Variants in INTS7 observed in about 807,000 individuals in gnomAD.
INTS7 encodes the protein chromosome 1 open reading frame 73.
A neutral mutation model predicts 109.2 loss-of-function variants in INTS7; 46 were observed. That is an observed-to-expected ratio of 0.42 (90% CI 0.33 to 0.54). The LOEUF (loss-of-function observed/expected upper bound fraction) is 0.54, where lower values mean the gene tolerates loss of function less well. Ranked by LOEUF, INTS7 falls within the 20% of genes least tolerant of loss-of-function variation. The probability of loss-of-function intolerance (pLI) is 0.07; values close to 1 mark genes in which losing one functional copy is unlikely to be tolerated. For missense variants in INTS7, 929 were observed against 1,132.4 expected (o/e 0.82, Z 2.58); for synonymous variants, 412 against 402.9 (o/e 1.02, Z -0.27).
chr1:211,944,130 CT>C, intron 19 of INTS7, among the ~76,000 whole-genome samples: 1 of 150,768 alleles, frequency 6.6e-6, no homozygotes, highest in Admixed American at 6.6e-5. Flanking sequence ...ATGCTATATA[CT>C]TTTTTTAATG....
At chr1:211,964,408 T>C (rs1187656881) in intron 16 of INTS7, among the ~76,000 whole-genome samples, 9 of 152,198 alleles carry the variant, frequency 5.9e-5, no homozygotes, top group Admixed American at 5.9e-4. Context: ...AAGCAACGTA[T>C]AGATTCAATG....
At position 212,016,016 on chromosome 1, in the gene INTS7, T is replaced by A. The variant is rs1465234556; in HGVS notation, c.509+870A>T. Among the ~76,000 whole-genome samples the A allele has an allele frequency of 2.0e-5, 3 of 152,176 alleles. No homozygotes were observed. The East Asian group carries it at 5.8e-4, about 29-fold the overall frequency. On this transcript the variant is annotated intron_variant, in intron 4 of 19. Coordinates refer to ENST00000366994, the MANE Select transcript of INTS7 (RefSeq NM_015434.4). ...ACCTGTTATATTACATAACCTATTATGTAACCTGCTTCCAAATATGTTTCT... is the reference window on the plus strand; with the variant it reads ...ACCTGTTATATTACATAACCTATTAAGTAACCTGCTTCCAAATATGTTTCT...
intron 7 of INTS7, among the ~76,000 whole-genome samples, chr1:211,996,304 C>T (rs377106874): frequency 7.2e-5 from 11 of 152,180 alleles, no homozygotes; most frequent in African/African-American, 2.4e-4. Flanking sequence ...CAGCTGTAAT[C>T]CCAGCTACTC....
At chr1:211,962,847 C>T (rs370204922) in intron 16 of INTS7, among the ~76,000 whole-genome samples, 8 of 152,118 alleles carry the variant, frequency 5.3e-5, no homozygotes, top group East Asian at 1.9e-4. Context: ...AAAGAAACAA[C>T]ATACCAGAAT....
intron 8 of INTS7, among the ~76,000 whole-genome samples, chr1:211,984,224 A>G (rs930024603): frequency 5.3e-5 from 8 of 152,132 alleles, no homozygotes; most frequent in Admixed American, 3.9e-4. Flanking sequence ...AACTGTGGAA[A>G]TTGTATTTCC....
chr1:211,948,416 C>T (rs1348094647), intron 17 of INTS7, among the ~76,000 whole-genome samples: 1 of 152,206 alleles, frequency 6.6e-6, no homozygotes, highest in Non-Finnish European at 1.5e-5. Flanking sequence ...TTTGGTGGAC[C>T]TCTGATGCCA....
At chr1:211,985,368 GA>G (rs1284973391) in intron 8 of INTS7, among the ~76,000 whole-genome samples, 5 of 151,926 alleles carry the variant, frequency 3.3e-5, no homozygotes, top group Non-Finnish European at 7.4e-5. Flanking sequence ...TGGCTACATT[GA>G]AAAAACATAA....
At chr1:212,022,890 C>T (rs1381124221) in intron 1 of INTS7, among the ~76,000 whole-genome samples, 6 of 152,014 alleles carry the variant, frequency 3.9e-5, no homozygotes, top group Admixed American at 2.0e-4. Context: ...TCAACTCTTC[C>T]CCTCTCCCTC....
chr1:211,957,531 G>C (rs6684814), intron 16 of INTS7, among the ~76,000 whole-genome samples: 60,705 of 151,836 alleles, frequency 0.4, 13,574 homozygotes, highest in Middle Eastern at 0.55. Context: ...GGGCGACAGA[G>C]AGAGGATCCG....
chr1:211,975,166 T>C lies in INTS7; in HGVS notation c.1815A>G (p.Thr605=). Residue 605 remains threonine, a splice_region_variant and synonymous_variant, in exon 13 of 20, where the codon ACA becomes ACG. Transcript: ENST00000366994. ...CCAAAGGTGAATTAAGAGGACTTAC[T>C]GTTAAGGAAGCAATCCCTTTGTGAT... ...KFYHKGIASL[T]AASTPLNPLS... The C allele has an allele frequency of 6.3e-7, 1 of 1,599,832 alleles. No homozygotes were observed. Among genetic ancestry groups the C allele is most frequent in the Non-Finnish European group, 8.6e-7 (1 of 1,167,112 alleles).
At position 211,967,858 on chromosome 1, in the gene INTS7, C is replaced by G. The variant is rs1318127653; in HGVS notation, c.2114+20G>C. 4 of 1,370,998 alleles carry G rather than the reference C, an allele frequency of 2.9e-6. No individual in the cohort carries two copies. In the African/African-American group the frequency reaches 5.7e-5, roughly 20 times the overall value. The allele number at this position is 1,370,998 out of a possible 1,614,324, so 84.9% of individuals were successfully genotyped here. On this transcript the variant is annotated intron_variant, in intron 15 of 19. Transcript: ENST00000366994. Reference sequence around the variant, plus strand: ...ATACTTCCAAAAAGAACAAGAAGTACTAGGGCAAGCTTGGGATACAGTTCA... The same window carrying G: ...ATACTTCCAAAAAGAACAAGAAGTAGTAGGGCAAGCTTGGGATACAGTTCA...
chr1:211,975,416 C>T (rs749648438), intron 12 of INTS7, 44 bp from the exon 13 acceptor site: 6 of 1,437,894 alleles, frequency 4.2e-6, no homozygotes, highest in African/African-American at 2.8e-5. Flanking sequence ...AAGGAGCACA[C>T]GGTGAGGTTC....
chr1:211,947,211 G>C (rs955979213), intron 17 of INTS7, among the ~76,000 whole-genome samples: 2 of 152,128 alleles, frequency 1.3e-5, no homozygotes, highest in Admixed American at 6.5e-5. Context: ...GATGAAAGAG[G>C]ACTATATAGT....
intron 16 of INTS7, among the ~76,000 whole-genome samples, chr1:211,955,377 C>A (rs1663315844): frequency 6.6e-6 from 1 of 152,130 alleles, no homozygotes; most frequent in Non-Finnish European, 1.5e-5. Context: ...TCATTGAATA[C>A]CCTTTATTTC....
intron 3 of INTS7, among the ~76,000 whole-genome samples, chr1:212,018,580 C>G (rs1029058462): frequency 6.6e-5 from 10 of 151,304 alleles, no homozygotes; most frequent in African/African-American, 2.2e-4. Flanking sequence ...CTCTTGTAAT[C>G]TACAACCCAA....
In INTS7 at chr1:212,035,385, TGTTC is replaced by T. The variant is rs1298024390; in HGVS notation, c.49_52del (p.Glu17ArgfsTer16). Reference sequence around the variant, plus strand: ...AAGGGCAGAGTTGGCATCCAGTTCCTGTTCGCCATAGCCGGCATCTGCCAGGAAA... The same window carrying T: ...AAGGGCAGAGTTGGCATCCAGTTCCTGCCATAGCCGGCATCTGCCAGGAAA... On this transcript the variant is annotated frameshift_variant, in exon 1 of 20. Coordinates refer to ENST00000366994, the MANE Select transcript of INTS7 (RefSeq NM_015434.4). LOFTEE classifies it high-confidence loss of function. 6.2e-7 allele frequency: 1 copy of T among 1,614,096 alleles called. No homozygotes were observed. Among genetic ancestry groups the T allele is most frequent in the East Asian group, 2.2e-5 (1 of 44,888 alleles).
In INTS7 at chr1:212,007,328, C is replaced by T. The variant is rs150638626; in HGVS notation, c.678G>A (p.Pro226=). Residue 226 remains proline (P), a synonymous_variant, in exon 6 of 20, where the codon CCG becomes CCA. Coordinates refer to ENST00000366994, the MANE Select transcript of INTS7 (RefSeq NM_015434.4). ...AAGACACAATCACCATTTTGGTGGA[C>T]GGATAGGATGTGACCAGCTGTTGTA... ...QLLQQLVTSY[P]STKMVIVSLH... is the part of the protein sequence containing the mutation. The T allele has an allele frequency of 1.5e-4, 248 of 1,613,764 alleles. 2 individuals are homozygous for T. Among genetic ancestry groups the T allele is most frequent in the East Asian group, 4.5e-5 (2 of 44,894 alleles).
intron 10 of INTS7, among the ~76,000 whole-genome samples, chr1:211,980,442 T>C (rs1337629230): frequency 6.6e-6 from 1 of 152,206 alleles, no homozygotes; most frequent in Non-Finnish European, 1.5e-5. Flanking sequence ...ATTTTATTTA[T>C]TTATTTTTTT....
Position 211,944,923 on chromosome 1 carries a change from A to G in INTS7, c.2462T>C (p.Val821Ala). The change falls in exon 19 of 20, where the codon GTC (valine) becomes GCC (alanine). Residue 821 changes from valine (V) to alanine (A), a missense_variant. Val to Ala is a moderately conservative substitution (Grantham distance 64). Around this residue, in one of 2 missense-constraint regions of INTS7, gnomAD observed 787 missense variants for 901.1 expected, o/e 0.87. Transcript: ENST00000366994. Reference protein sequence around the residue: ...SPRNPAEPIAVQNNQQLALKV... With the variant: ...SPRNPAEPIAAQNNQQLALKV... ...TAGCGCCAGCTGCTGGTTATTCTGGACAGCAATGGGCTCTGCAGGATTCCG... is the reference window on the plus strand; with the variant it reads ...TAGCGCCAGCTGCTGGTTATTCTGGGCAGCAATGGGCTCTGCAGGATTCCG... 3 of 1,614,190 alleles carry G rather than the reference A, an allele frequency of 1.9e-6. No individual in the cohort carries two copies. Among genetic ancestry groups the G allele is most frequent in the Non-Finnish European group, 2.5e-6 (3 of 1,180,028 alleles).
Sources: gnomAD v4.1 joint callset for allele counts (sites outside exome capture counted in the v4.1 genomes callset) on GRCh38, gnomAD v4.1.1 for gene constraint, gnomAD v4.1.1 regional missense constraint, MANE v1.5 for transcripts, NCBI Gene and HGNC (gene_info 2026-07-23, HGNC 2026-07-21) for gene names.